The following SLC35F3 variants were observed in gnomAD, a reference collection of about 807,000 sequenced individuals.
SLC35F3 encodes putative thiamine transporter SLC35F3.
A neutral mutation model predicts 49.9 loss-of-function variants in SLC35F3; 25 were observed. The ratio of observed to expected loss-of-function variants is 0.50; its 90% CI spans 0.37 to 0.70. The LOEUF is 0.70. Ranked by LOEUF, SLC35F3 falls within the 30% of genes least tolerant of loss-of-function variation. SLC35F3 has a pLI of 0.00. For missense variants in SLC35F3, 525 were observed against 639.8 expected, an observed-to-expected ratio of 0.82 and a Z score of 1.94; for synonymous variants, 275 against 265.4, an observed-to-expected ratio of 1.04 and a Z score of -0.35.
At chr1:234,143,288 C>CTTTTTTTTTTTTTTTT (rs1352256091) in intron 2 of SLC35F3, among the ~76,000 whole-genome samples, 17 of 123,554 alleles carry the variant, frequency 1.4e-4, no homozygotes, top group African/African-American at 3.2e-4. Flanking sequence ...CTTTTCTTTT[C>CTTTTTTTTTTTTTTTT]TTTTTTTTTT....
At chr1:234,278,241 C>T (rs564719419) in intron 3 of SLC35F3, among the ~76,000 whole-genome samples, 138 of 152,080 alleles carry the variant, frequency 9.1e-4, no homozygotes, top group African/African-American at 3.0e-3. Flanking sequence ...CTGTAATCCC[C>T]GCACTTTGAG....
At chr1:233,951,504 G>C (rs187183006) in intron 2 of SLC35F3, among the ~76,000 whole-genome samples, 1 of 151,858 alleles carries the variant, frequency 6.6e-6, no homozygotes, top group African/African-American at 2.4e-5. Context: ...TCTTTGTTTA[G>C]ATATGTTTAG....
At chr1:233,924,064 T>C (rs1247378734) in intron 2 of SLC35F3, among the ~76,000 whole-genome samples, 1 of 152,238 alleles carries the variant, frequency 6.6e-6, no homozygotes, top group Admixed American at 6.5e-5. Flanking sequence ...TATTGAGGAT[T>C]TTTGCATCGT....
At chr1:233,965,079 T>C (rs1054799394) in intron 2 of SLC35F3, among the ~76,000 whole-genome samples, 3 of 152,190 alleles carry the variant, frequency 2.0e-5, no homozygotes, top group African/African-American at 7.2e-5. Context: ...TTCTAAGCCT[T>C]TGTTTATACC....
chr1:234,143,269 G>T, intron 2 of SLC35F3, among the ~76,000 whole-genome samples: 1 of 131,084 alleles, frequency 7.6e-6, no homozygotes. Flanking sequence ...CTATGAGTTT[G>T]ACTCTTTTCT....
intron 2 of SLC35F3, among the ~76,000 whole-genome samples, chr1:234,135,671 T>C (rs1463501): frequency 0.24 from 36,834 of 152,228 alleles, 6,063 homozygotes; most frequent in East Asian, 0.75. Flanking sequence ...ATGGTGTCTA[T>C]CCAGGAAGCT....
At chr1:234,234,979 G>A (rs932650147) in intron 3 of SLC35F3, among the ~76,000 whole-genome samples, 4 of 152,174 alleles carry the variant, frequency 2.6e-5, no homozygotes, top group African/African-American at 9.6e-5. Context: ...TTGTTCGTGA[G>A]CTGCCTTGTG....
intron 3 of SLC35F3, among the ~76,000 whole-genome samples, chr1:234,267,490 G>T (rs1185258277): frequency 6.8e-6 from 1 of 146,378 alleles, no homozygotes; most frequent in African/African-American, 2.6e-5. Flanking sequence ...CGGATGGGGC[G>T]GCTGGCCGGG....
Position 234,214,079 on chromosome 1 carries a change from A to G in SLC35F3, c.284-17338A>G. 1.5e-6 allele frequency: 1 copy of G among 666,074 alleles called. No homozygotes were observed. The highest frequency in any genetic ancestry group is 1.9e-6 in the Non-Finnish European group (1 of 533,666). 41.3% of individuals were successfully genotyped at this position (666,074 alleles called of 1,614,324 possible). A position where few individuals can be genotyped will look rare whatever the true frequency, so the allele number is the denominator to read the frequency against. On this transcript the variant is annotated intron_variant, in intron 2 of 7. Coordinates refer to ENST00000366618, the MANE Select transcript of SLC35F3 (RefSeq NM_173508.4). This position sits in a 1 kb window ranked among gnomAD's most constrained non-coding sequence, Gnocchi z 8.0. ...GGTCCTTTTAAAGGGCTTCTCAGAG[A>G]GGTGGTGGCCAGAGGCTGCAGTCAG...
intron 2 of SLC35F3, among the ~76,000 whole-genome samples, chr1:234,005,400 T>C (rs894905315): frequency 6.6e-6 from 1 of 152,216 alleles, no homozygotes; most frequent in Non-Finnish European, 1.5e-5. Context: ...ACTTTCCTTA[T>C]TTCCTGATCA....
chr1:233,913,689 TGTAGG>T (rs1661922492), intron 2 of SLC35F3, among the ~76,000 whole-genome samples: 1 of 152,228 alleles, frequency 6.6e-6, no homozygotes, highest in Non-Finnish European at 1.5e-5. Context: ...TCTACATTTC[TGTAGG>T]GTCGTCCAGA....
At chr1:234,003,164 A>G (rs1052560053) in intron 2 of SLC35F3, among the ~76,000 whole-genome samples, 2 of 152,220 alleles carry the variant, frequency 1.3e-5, no homozygotes, top group African/African-American at 2.4e-5. Context: ...ATCTGTGTGA[A>G]TCTTTTCTTC....
intron 2 of SLC35F3, among the ~76,000 whole-genome samples, chr1:234,090,106 G>T (rs1028573301): frequency 2.0e-5 from 3 of 152,250 alleles, no homozygotes; most frequent in Non-Finnish European, 4.4e-5. Flanking sequence ...TTGGCAATGT[G>T]CTGTCAATCA....
intron 2 of SLC35F3, among the ~76,000 whole-genome samples, chr1:234,055,152 C>T (rs1664437275): frequency 6.6e-6 from 1 of 152,106 alleles, no homozygotes. Flanking sequence ...GCTGGGAGAT[C>T]CACTACTCTC....
intron 3 of SLC35F3, among the ~76,000 whole-genome samples, chr1:234,241,427 C>T (rs1355892935): frequency 6.6e-6 from 1 of 152,044 alleles, no homozygotes; most frequent in Non-Finnish European, 1.5e-5. Context: ...CTGCAGCTTC[C>T]GTTTTCTCAT....
At chr1:234,187,200 G>A (rs1220044881) in intron 2 of SLC35F3, among the ~76,000 whole-genome samples, 1 of 152,178 alleles carries the variant, frequency 6.6e-6, no homozygotes, top group Non-Finnish European at 1.5e-5. Context: ...AAAGGAACAA[G>A]CAACCAACCA....
chr1:234,285,629 A>G lies in SLC35F3; in HGVS notation c.609-23472A>G, dbSNP rs189176994. 282 of 225,046 alleles carry G rather than the reference A, an allele frequency of 1.3e-3. 1 individual carries two copies. The highest frequency in any genetic ancestry group is 6.4e-3 in the African/African-American group (270 of 42,508). 13.9% of individuals were successfully genotyped at this position (225,046 alleles called of 1,614,324 possible). A position where few individuals can be genotyped will look rare whatever the true frequency, so the allele number is the denominator to read the frequency against. On this transcript the variant is annotated intron_variant, in intron 3 of 7. Transcript: ENST00000366618. ...TGATATTTTAATGATGCAATAACAG[A>G]CCTATTAATTGGAGACTTTTTCTTA...
chr1:234,264,602 AG>A (rs1667953257), intron 3 of SLC35F3, among the ~76,000 whole-genome samples: 1 of 152,144 alleles, frequency 6.6e-6, no homozygotes. Flanking sequence ...GCTGGAGTGG[AG>A]TGGCATGATC....
intron 3 of SLC35F3, among the ~76,000 whole-genome samples, chr1:234,267,921 A>G (rs866684679): frequency 0.035 from 2,712 of 77,918 alleles, 414 homozygotes; most frequent in East Asian, 0.075. Flanking sequence ...GACGCTCCTC[A>G]CTTCCTAGAT....
Sources: gnomAD v4.1 joint callset for allele counts (sites outside exome capture counted in the v4.1 genomes callset) on GRCh38, gnomAD v4.1.1 for gene constraint, Gnocchi (gnomAD v3.1) non-coding constraint, MANE v1.5 for transcripts, NCBI Gene and HGNC (gene_info 2026-07-23, HGNC 2026-07-21) for gene names.